ABCB5: variants seen among roughly 807,000 people sequenced by gnomAD.
ABCB5 encodes ATP binding cassette subfamily B member 5, also known as ATP-binding cassette sub-family B member 5.
ABCB5 carries 155 observed loss-of-function variants against 144.2 expected under a neutral mutation model. The ratio of observed to expected loss-of-function variants is 1.08; its 90% CI spans 0.94 to 1.23. ABCB5 has a LOEUF of 1.23. Among genes scored for constraint, ABCB5 ranks in the 50% most tolerant of loss-of-function variants. The probability of loss-of-function intolerance (pLI) is 0.00; values close to 1 mark genes in which losing one functional copy is unlikely to be tolerated. For synonymous variants in ABCB5, 610 were observed against 528.6 expected (o/e 1.15, Z -2.11); for missense variants, 1,830 against 1,520.8 (o/e 1.20, Z -3.38).
chr7:20,712,553 G>C (rs1781521570), intron 20 of ABCB5, among the ~76,000 whole-genome samples: 1 of 149,182 alleles, frequency 6.7e-6, no homozygotes, highest in Non-Finnish European at 1.5e-5. Context: ...GCAATGCTTT[G>C]TTCATTTTTT....
chr7:20,640,429 T>G (rs1206875197), intron 5 of ABCB5, among the ~76,000 whole-genome samples: 1 of 152,120 alleles, frequency 6.6e-6, no homozygotes, highest in Non-Finnish European at 1.5e-5. Flanking sequence ...CAGCACTATA[T>G]CTCACTCCTG....
chr7:20,729,466 G>C (rs1486599425), intron 23 of ABCB5, among the ~76,000 whole-genome samples: 3 of 152,148 alleles, frequency 2.0e-5, no homozygotes, highest in Non-Finnish European at 4.4e-5. Context: ...ATTTGGAATT[G>C]AATGTGGTGT....
At chr7:20,658,327 CT>C (rs759670787) in intron 13 of ABCB5, among the ~76,000 whole-genome samples, 178 bp from the exon 14 acceptor site, 231 of 140,586 alleles carry the variant, frequency 1.6e-3, no homozygotes, top group Middle Eastern at 3.6e-3. Flanking sequence ...TCTTTGGGCT[CT>C]TTTTTTTTTT....
chr7:20,748,894 T>G (rs1284124963), intron 26 of ABCB5, among the ~76,000 whole-genome samples: 2 of 152,136 alleles, frequency 1.3e-5, no homozygotes, highest in African/African-American at 4.8e-5. Flanking sequence ...TTCATTTTAA[T>G]TCTCTCCAAG....
At chr7:20,665,770 T>TAGATAG (rs1466333096) in intron 14 of ABCB5, among the ~76,000 whole-genome samples, 55 of 124,486 alleles carry the variant, frequency 4.4e-4, no homozygotes, top group African/African-American at 1.6e-3. Context: ...TAGATAGAGA[T>TAGATAG]ACATACATAC....
At chr7:20,642,255 C>G (rs1784310264) in intron 5 of ABCB5, among the ~76,000 whole-genome samples, 1 of 152,172 alleles carries the variant, frequency 6.6e-6, no homozygotes, top group Non-Finnish European at 1.5e-5. Flanking sequence ...TTTCTTACCA[C>G]TTTGGACTTC....
intron 13 of ABCB5, among the ~76,000 whole-genome samples, chr7:20,658,066 A>AT (rs1246074769): frequency 6.6e-6 from 1 of 151,952 alleles, no homozygotes; most frequent in Non-Finnish European, 1.5e-5. Flanking sequence ...TTTGGTAGCA[A>AT]TTTTTTTTCA....
chr7:20,751,863 T>C (rs1782940789), intron 26 of ABCB5, among the ~76,000 whole-genome samples: 1 of 152,248 alleles, frequency 6.6e-6, no homozygotes, highest in African/African-American at 2.4e-5. Context: ...AGCGAAAGTC[T>C]GTATTCTTTG....
In ABCB5 at chr7:20,640,411, A is replaced by G. The variant is rs184261381; in HGVS notation, c.315-2773A>G. Among the ~76,000 whole-genome samples the G allele has an allele frequency of 3.3e-5, 5 of 152,244 alleles. No individual in the cohort carries two copies. The East Asian group carries it at 9.7e-4, about 29-fold the overall frequency. On this transcript the variant is annotated intron_variant, in intron 5 of 27. Coordinates refer to ENST00000404938, the MANE Select transcript of ABCB5 (RefSeq NM_001163941.2). ...TTGGTGATTCTTTAACATTGAACTC[A>G]TGGTCAACAGCACTATATCTCACTC... is the stretch of plus-strand genomic sequence containing the variant.
At chr7:20,715,472 A>G (rs1024056430) in intron 20 of ABCB5, among the ~76,000 whole-genome samples, 1 of 152,084 alleles carries the variant, frequency 6.6e-6, no homozygotes, top group Non-Finnish European at 1.5e-5. Flanking sequence ...GTGCAGTTGC[A>G]TGATCCTAGT....
intron 14 of ABCB5, among the ~76,000 whole-genome samples, chr7:20,666,507 T>C (rs1583409787): frequency 6.6e-6 from 1 of 152,230 alleles, no homozygotes; most frequent in East Asian, 1.9e-4. Flanking sequence ...TCCGTATCTC[T>C]GCCTAGCAAT....
intron 5 of ABCB5, among the ~76,000 whole-genome samples, chr7:20,638,214 AAAG>A (rs1784207520): frequency 6.6e-6 from 1 of 152,224 alleles, no homozygotes; most frequent in African/African-American, 2.4e-5. Flanking sequence ...ACAAATGCAC[AAAG>A]AAGACAATTA....
At chr7:20,671,944 C>T (rs1785467980) in intron 14 of ABCB5, among the ~76,000 whole-genome samples, 1 of 152,108 alleles carries the variant, frequency 6.6e-6, no homozygotes, top group African/African-American at 2.4e-5. Flanking sequence ...TATTAAAATT[C>T]CAGCTACTCC....
chr7:20,668,660 C>T lies in ABCB5; in HGVS notation c.1707+9984C>T, dbSNP rs1051333569. Reference sequence around the variant, plus strand: ...GAGGTGAGGGACTCCTCTGCCCGGCCGCCCCTACTGGGAAGTGAGGAGCCC... The same window carrying T: ...GAGGTGAGGGACTCCTCTGCCCGGCTGCCCCTACTGGGAAGTGAGGAGCCC... On this transcript the variant is annotated intron_variant, in intron 14 of 27. Coordinates refer to ENST00000404938, the MANE Select transcript of ABCB5 (RefSeq NM_001163941.2). 7.6e-4 allele frequency among the ~76,000 whole-genome samples: 111 copies of T among 145,826 alleles called. No individual in the cohort carries two copies. The East Asian group carries it at 0.021, about 28-fold the overall frequency.
intron 5 of ABCB5, among the ~76,000 whole-genome samples, chr7:20,640,515 T>C (rs372464742): frequency 1.4e-4 from 21 of 152,284 alleles, no homozygotes; most frequent in African/African-American, 4.6e-4. Context: ...GCGCTAGCCA[T>C]CAGTTCAGTG....
chr7:20,616,328 G>T (rs117519129), intron 1 of ABCB5, among the ~76,000 whole-genome samples: 16,551 of 152,154 alleles, frequency 0.11, 1,213 homozygotes, highest in Non-Finnish European at 0.15. Flanking sequence ...GAGCCACTGC[G>T]CCCAGCCATA....
chr7:20,691,889 T>C (rs1035832568), intron 16 of ABCB5, among the ~76,000 whole-genome samples: 1 of 151,742 alleles, frequency 6.6e-6, no homozygotes, highest in Non-Finnish European at 1.5e-5. Flanking sequence ...CTGGCATCCA[T>C]TCAAAAATCA....
At chr7:20,645,666 A>T (rs1393903969) in intron 7 of ABCB5, 90 bp from the exon 8 acceptor site, 61 of 1,471,406 alleles carry the variant, frequency 4.1e-5, no homozygotes, top group Non-Finnish European at 3.7e-6. Context: ...CCATTAGTCT[A>T]CTTAGAATTC....
chr7:20,742,268 G>T (rs1297270957), intron 24 of ABCB5, among the ~76,000 whole-genome samples: 2 of 152,170 alleles, frequency 1.3e-5, no homozygotes, highest in Non-Finnish European at 2.9e-5. Context: ...CAGCTACTCA[G>T]GAGGCTGAGG....
Sources: gnomAD v4.1 joint callset for allele counts (sites outside exome capture counted in the v4.1 genomes callset) on GRCh38, gnomAD v4.1.1 for gene constraint, MANE v1.5 for transcripts, NCBI Gene and HGNC (gene_info 2026-07-23, HGNC 2026-07-21) for gene names.